Variants in DST observed in about 807,000 individuals in gnomAD.
DST encodes dystonin, also known as bullous pemphigoid antigen.
In DST, 253 loss-of-function variants were observed where a neutral mutation model predicts 875.2. The ratio of observed to expected loss-of-function variants is 0.29; its 90% CI spans 0.26 to 0.32. The LOEUF is 0.32. DST is among the 10% of genes least tolerant of loss of function. The pLI is 1.00. For synonymous variants in DST, 3,124 were observed against 3,197.1 expected, an observed-to-expected ratio of 0.98 and a Z score of 0.77; for missense variants, 8,287 against 9,111.6, an observed-to-expected ratio of 0.91 and a Z score of 3.68.
In DST at chr6:56,696,852, A is replaced by G. The variant is rs77967567; in HGVS notation, c.1047+2801T>C. 3.9e-3 allele frequency among the ~76,000 whole-genome samples: 587 copies of G among 152,092 alleles called. 11 individuals are homozygous for G. In the East Asian group the frequency reaches 0.055, roughly 14 times the overall value. ...AAATGCTCCTTTTTTCTCTTTCCTC[A>G]GCAGAATCTTTTCCCGCAGGCCTTC... On this transcript the variant is annotated intron_variant, in intron 9 of 103. Transcript: ENST00000680361.
intron 60 of DST, 85 bp downstream of exon 60, chr6:56,555,260 C>T: frequency 1.4e-6 from 2 of 1,440,218 alleles, no homozygotes; most frequent in Non-Finnish European, 1.9e-6. Context: ...CTTTGGGGTC[C>T]TGGATTATTG....
intron 2 of DST, among the ~76,000 whole-genome samples, chr6:56,907,083 G>T (rs1180280625): frequency 6.6e-6 from 1 of 152,088 alleles, no homozygotes; most frequent in Non-Finnish European, 1.5e-5. Context: ...AAATTTCTCT[G>T]CTTGGACTGT....
chr6:56,507,822 T>C lies in DST; in HGVS notation c.19239+707A>G, dbSNP rs530750509. Among the ~76,000 whole-genome samples, 18 of 152,164 alleles carry C rather than the reference T, an allele frequency of 1.2e-4. No homozygotes were observed. In the South Asian group the frequency reaches 3.1e-3, roughly 26 times the overall value. ...CTAGGGAGTTTGGGCTTGATCCAGA[T>C]GGCAGGGGATGCCTCTGACGGGGTT... On this transcript the variant is annotated intron_variant, in intron 75 of 103. Coordinates refer to ENST00000680361, the MANE Select transcript of DST (RefSeq NM_001374736.1).
At chr6:56,719,265 T>C (rs775368144) in intron 5 of DST, among the ~76,000 whole-genome samples, 4 of 152,238 alleles carry the variant, frequency 2.6e-5, no homozygotes, top group Non-Finnish European at 4.4e-5. Context: ...GTGTAATTTG[T>C]ATTTATTGAA....
chr6:56,546,347 CATATATATATATATATATAT>C (rs10617867), intron 61 of DST, among the ~76,000 whole-genome samples: 36 of 72,640 alleles, frequency 5.0e-4, no homozygotes, highest in East Asian at 1.2e-3. Context: ...ATACATATTT[CATATATATATATATATATAT>C]ATATATATAT....
chr6:56,495,292 A>G, intron 82 of DST, among the ~76,000 whole-genome samples: 1 of 151,958 alleles, frequency 6.6e-6, no homozygotes, highest in East Asian at 1.9e-4. Flanking sequence ...AAATATCAAC[A>G]ACTCTTTAGA....
chr6:56,492,797 G>T, intron 84 of DST, 137 bp downstream of exon 84: 1 of 728,026 alleles, frequency 1.4e-6, no homozygotes, highest in South Asian at 2.5e-5. Flanking sequence ...CGCTTGAACC[G>T]GGAGGCAGAG....
chr6:56,670,852 T>G, intron 9 of DST, 45 bp from the exon 10 acceptor site: 33 of 1,324,588 alleles, frequency 2.5e-5, no homozygotes, highest in Non-Finnish European at 3.2e-5. Context: ...GGAAGGAAGC[T>G]AACTCAGATT....
At chr6:56,510,115 T>C (rs938621810) in intron 73 of DST, among the ~76,000 whole-genome samples, 3 of 152,180 alleles carry the variant, frequency 2.0e-5, no homozygotes, top group Non-Finnish European at 4.4e-5. Context: ...CTTATGAATA[T>C]TTGAGTGTAT....
At chr6:56,521,297 A>G (rs2096695704) in intron 69 of DST, among the ~76,000 whole-genome samples, 2 of 151,962 alleles carry the variant, frequency 1.3e-5, no homozygotes, top group South Asian at 4.1e-4. Context: ...ATACTGCAAG[A>G]TATCTGAATA....
rs904185276 is a variant in DST at position 56,463,504 on chromosome 6, A to G, written c.22959+61T>C. Reference sequence around the variant, plus strand: ...TTCTAGGGCCCTAAATAGAACATTCAAAAGTCTACTTGGGACATTGATTGC... The same window carrying G: ...TTCTAGGGCCCTAAATAGAACATTCGAAAGTCTACTTGGGACATTGATTGC... On this transcript the variant is annotated intron_variant, in intron 101 of 103. Coordinates refer to ENST00000680361, the MANE Select transcript of DST (RefSeq NM_001374736.1). The G allele has an allele frequency of 2.1e-6, 3 of 1,433,028 alleles. No homozygotes were observed. In the African/African-American group the frequency reaches 4.3e-5, roughly 20 times the overall value. The allele number at this position is 1,433,028 out of a possible 1,614,324, so 88.8% of individuals were successfully genotyped here.
intron 4 of DST, among the ~76,000 whole-genome samples, chr6:56,822,351 G>C (rs1562016561): frequency 6.6e-6 from 1 of 152,178 alleles, no homozygotes; most frequent in African/African-American, 2.4e-5. Flanking sequence ...GAAGAAACCA[G>C]GGAGGGGATG....
intron 2 of DST, among the ~76,000 whole-genome samples, chr6:56,904,415 C>T (rs1243014300): frequency 3.3e-5 from 5 of 152,152 alleles, no homozygotes; most frequent in African/African-American, 1.2e-4. Context: ...TTTAATTTGT[C>T]AAATGCATAT....
intron 4 of DST, among the ~76,000 whole-genome samples, chr6:56,803,927 C>A (rs2099750236): frequency 6.6e-6 from 1 of 152,188 alleles, no homozygotes; most frequent in Non-Finnish European, 1.5e-5. Flanking sequence ...TTTCCCATCA[C>A]ATAAATGAAA....
chr6:56,497,779 G>A lies in DST; in HGVS notation c.20094+77C>T, dbSNP rs2095971654. The A allele has an allele frequency of 2.2e-5, 29 of 1,308,066 alleles. No individual in the cohort carries two copies. The South Asian group carries it at 4.4e-4, about 20-fold the overall frequency. The allele number at this position is 1,308,066 out of a possible 1,614,324, so 81.0% of individuals were successfully genotyped here. ...AGGTATAAAAATTAAACAGGAGTCT[G>A]TGAACTAATAAAAGAATTCCATGCT... On this transcript the variant is annotated intron_variant, in intron 81 of 103. Transcript: ENST00000680361.
chr6:56,595,183 A>G (rs1028195306), intron 47 of DST, among the ~76,000 whole-genome samples: 2 of 151,972 alleles, frequency 1.3e-5, no homozygotes, highest in African/African-American at 4.8e-5. Context: ...AGCCCCTTTT[A>G]TTACCTCCAG....
chr6:56,830,810 T>A (rs1448681165), intron 4 of DST, among the ~76,000 whole-genome samples: 1 of 152,210 alleles, frequency 6.6e-6, no homozygotes, highest in Non-Finnish European at 1.5e-5. Context: ...AATATTCAAC[T>A]GCTGTTTACT....
intron 4 of DST, among the ~76,000 whole-genome samples, chr6:56,749,093 G>C (rs59336532): frequency 1.3e-5 from 2 of 152,018 alleles, no homozygotes; most frequent in Non-Finnish European, 2.9e-5. Context: ...TGGGCCGGGC[G>C]CAGTGGCTCA....
intron 4 of DST, among the ~76,000 whole-genome samples, chr6:56,781,723 C>T (rs1159220506): frequency 6.6e-6 from 1 of 152,106 alleles, no homozygotes; most frequent in Admixed American, 6.6e-5. Flanking sequence ...TTTCCTTTTC[C>T]TGCCTAATTG....
Sources: gnomAD v4.1 joint callset for allele counts (sites outside exome capture counted in the v4.1 genomes callset) on GRCh38, gnomAD v4.1.1 for gene constraint, MANE v1.5 for transcripts, NCBI Gene and HGNC (gene_info 2026-07-23, HGNC 2026-07-21) for gene names.